TESMIN: variants seen among roughly 807,000 people sequenced by gnomAD.
TESMIN encodes CXC domain containing 2.
In TESMIN, 34 loss-of-function variants were observed where a neutral mutation model predicts 47.4. The ratio of observed to expected loss-of-function variants is 0.72; its 90% CI spans 0.55 to 0.96. The LOEUF (loss-of-function observed/expected upper bound fraction) is 0.96, where lower values mean the gene tolerates loss of function less well. Ranked by LOEUF, TESMIN falls within the 40% of genes least tolerant of loss-of-function variation. The probability of loss-of-function intolerance (pLI) is 0.00; values close to 1 mark genes in which losing one functional copy is unlikely to be tolerated. For synonymous variants in TESMIN, 278 were observed against 258.9 expected (o/e 1.07, Z -0.71); for missense variants, 610 against 637.2 (o/e 0.96, Z 0.46).
chr11:68,715,655 C>G (rs1946127738), intron 7 of TESMIN, among the ~76,000 whole-genome samples, 182 bp downstream of exon 7: 1 of 152,192 alleles, frequency 6.6e-6, no homozygotes, highest in Non-Finnish European at 1.5e-5. Flanking sequence ...CTGCCTACCA[C>G]TTTTACAACA....
chr11:68,738,595 T>TAA, intron 6 of TESMIN, 105 bp downstream of exon 6: 3 of 1,540,064 alleles, frequency 1.9e-6, no homozygotes, highest in Non-Finnish European at 2.6e-6. Flanking sequence ...GTCATGAAGG[T>TAA]GTGCAGTGAA....
intron 9 of TESMIN, 166 bp downstream of exon 9, chr11:68,710,708 C>T: frequency 5.0e-6 from 3 of 604,418 alleles, no homozygotes; most frequent in Non-Finnish European, 8.2e-6. Context: ...ACACAGTGGC[C>T]ACCCAGGATT....
At chr11:68,711,808 G>A (rs1946076480) in intron 8 of TESMIN, among the ~76,000 whole-genome samples, 1 of 152,200 alleles carries the variant, frequency 6.6e-6, no homozygotes, top group Admixed American at 6.5e-5. Flanking sequence ...GGTGGATTTT[G>A]TTTCAAGCTT....
At chr11:68,738,955 G>A (rs886156547) in intron 5 of TESMIN, among the ~76,000 whole-genome samples, 167 bp from the exon 6 acceptor site, 3 of 133,252 alleles carry the variant, frequency 2.3e-5, no homozygotes, top group Non-Finnish European at 4.7e-5. Flanking sequence ...ACTGACATTC[G>A]GAAGGTCTAG....
chr11:68,736,087 C>A (rs1946383915), intron 6 of TESMIN: 1 of 985,360 alleles, frequency 1.0e-6, no homozygotes, highest in Non-Finnish European at 1.2e-6. Context: ...AACTACACCA[C>A]AACAAGATAA....
At chr11:68,736,980 AAAGTAT>A in intron 6 of TESMIN, 8 of 985,512 alleles carry the variant, frequency 8.1e-6, no homozygotes, top group Non-Finnish European at 9.6e-6. Context: ...GCACGCAATT[AAAGTAT>A]GAGAAGTATC....
intron 5 of TESMIN, among the ~76,000 whole-genome samples, chr11:68,740,912 G>C (rs1176742277): frequency 2.0e-5 from 3 of 152,056 alleles, no homozygotes; most frequent in African/African-American, 7.2e-5. Flanking sequence ...GGACGCCTTT[G>C]AAAAACTTGT....
intron 9 of TESMIN, 38 bp downstream of exon 9, chr11:68,710,836 G>C: frequency 6.5e-7 from 1 of 1,548,996 alleles, no homozygotes; most frequent in Non-Finnish European, 8.8e-7. Context: ...ATTAACCTCT[G>C]TTCCCTCTAT....
At chr11:68,709,542 T>C (rs1476299600) in intron 9 of TESMIN, among the ~76,000 whole-genome samples, 1 of 152,226 alleles carries the variant, frequency 6.6e-6, no homozygotes, top group Non-Finnish European at 1.5e-5. Context: ...AGGGGGCAAC[T>C]GTGGCTTAGC....
intron 4 of TESMIN, among the ~76,000 whole-genome samples, chr11:68,743,529 G>GT (rs759625877): frequency 2.6e-5 from 4 of 151,964 alleles, no homozygotes; most frequent in Non-Finnish European, 5.9e-5. Flanking sequence ...GATTATAGGC[G>GT]TGAGCCACGG....
chr11:68,742,329 T>C lies in TESMIN; in HGVS notation c.817A>G (p.Ile273Val), dbSNP rs201419591. ...FLPASTKLNL[I>V]TQQLEGALPS... ...AAACAATGACTCACTTGTTGTGTAA[T>C]GAGATTTAATTTTGTTGATGCTGGC... Residue 273 changes from isoleucine (I) to valine (V), a missense_variant, in exon 5 of 10, where the codon ATT becomes GTT. Ile to Val is a conservative substitution (Grantham distance 29, BLOSUM62 3). Transcript: ENST00000255087. The C allele has an allele frequency of 6.3e-7, 1 of 1,588,718 alleles. No individual in the cohort carries two copies. Among genetic ancestry groups the C allele is most frequent in the Non-Finnish European group, 8.6e-7 (1 of 1,161,358 alleles).
chr11:68,737,325 CAGCTGAAAG>C lies in TESMIN; in HGVS notation c.917+1366_917+1374del. ...CAACAGCCTAGGCACAGAATTACAA[CAGCTGAAAG>C]AGCCACTGCAGAAACTGAAGCAGCG... On this transcript the variant is annotated intron_variant, in intron 6 of 9. Coordinates refer to ENST00000255087, the MANE Select transcript of TESMIN (RefSeq NM_004923.3). The C allele has an allele frequency of 1.0e-5, 10 of 985,574 alleles. No individual in the cohort carries two copies. In the South Asian group the frequency reaches 4.2e-4, roughly 42 times the overall value. 61.1% of individuals were successfully genotyped at this position (985,574 alleles called of 1,614,324 possible). A position where few individuals can be genotyped will look rare whatever the true frequency, so the allele number is the denominator to read the frequency against.
chr11:68,705,158 C>G (rs1000280383), downstream of TESMIN, among the ~76,000 whole-genome samples: 1 of 152,188 alleles, frequency 6.6e-6, no homozygotes, highest in Non-Finnish European at 1.5e-5. Context: ...AAGCTGTGCC[C>G]GGTGCCTTCC....
intron 6 of TESMIN, chr11:68,737,737 C>T (rs1946403880): frequency 2.2e-6 from 2 of 904,642 alleles, no homozygotes; most frequent in African/African-American, 1.8e-5. Context: ...CATGGTAAAA[C>T]CCAGTCTCTA....
intron 6 of TESMIN, 68 bp downstream of exon 6, chr11:68,738,632 C>T (rs753166127): frequency 8.1e-5 from 129 of 1,596,712 alleles, no homozygotes; most frequent in Non-Finnish European, 1.0e-4. Context: ...AGAAGAAAAT[C>T]GTGAACGTAT....
Position 68,712,648 on chromosome 11 carries a change from G to T in TESMIN, c.1158+622C>A, listed in dbSNP as rs141997886. On this transcript the variant is annotated intron_variant, in intron 8 of 9. Transcript: ENST00000255087. ...TGCGACAGCACTGAAGGGGAAAGTG[G>T]GTCCTCATTAATCTTTGGGAAAAGA... Among the ~76,000 whole-genome samples the T allele has an allele frequency of 1.2e-4, 19 of 152,316 alleles. No individual in the cohort carries two copies. The East Asian group carries it at 3.5e-3, about 28-fold the overall frequency.
At chr11:68,728,471 T>A (rs1357721063) in intron 6 of TESMIN, among the ~76,000 whole-genome samples, 1 of 152,202 alleles carries the variant, frequency 6.6e-6, no homozygotes, top group African/African-American at 2.4e-5. Context: ...AACGGAAAAG[T>A]ACAAGGTGAA....
chr11:68,715,898 CA>C lies in TESMIN; in HGVS notation c.958del (p.Cys320AlafsTer59). 1 of 1,613,646 alleles carries C rather than the reference CA, an allele frequency of 6.2e-7. No homozygotes were observed. Among genetic ancestry groups the C allele is most frequent in the Non-Finnish European group, 8.5e-7 (1 of 1,179,604 alleles). ...GTTGTTGCAACAATTATTACAATTG[CA>C]GTTGTTGCAAAAGTCCCCACTGGCA... is the stretch of plus-strand genomic sequence containing the variant. ...CFASGDFCNN[C>X]NCNNCCNNLH... On this transcript the variant is annotated frameshift_variant, in exon 7 of 10. Coordinates refer to ENST00000255087, the MANE Select transcript of TESMIN (RefSeq NM_004923.3). LOFTEE classifies it high-confidence loss of function.
At chr11:68,714,270 G>A (rs1946108047) in intron 7 of TESMIN, among the ~76,000 whole-genome samples, 1 of 152,240 alleles carries the variant, frequency 6.6e-6, no homozygotes, top group Admixed American at 6.5e-5. Context: ...AGCCTGCGGT[G>A]CGCGGCTTTA....
Sources: allele counts gnomAD v4.1 joint callset (sites outside exome capture counted in the v4.1 genomes callset), GRCh38; gene constraint gnomAD v4.1.1; transcripts MANE v1.5; gene names NCBI Gene and HGNC (gene_info 2026-07-23, HGNC 2026-07-21).